Variants in TMEFF1 observed in about 807,000 individuals in gnomAD.
The protein encoded by TMEFF1 is transmembrane protein with EGF like and two follistatin like domains 1, also known as tomoregulin-1.
Under a neutral mutation model 47.5 loss-of-function variants are expected in TMEFF1, and 20 were observed. The observed-to-expected ratio is 0.42, with a 90% CI of 0.30 to 0.61. TMEFF1 has a LOEUF of 0.61. Ranked by LOEUF, TMEFF1 falls within the 20% of genes least tolerant of loss-of-function variation. TMEFF1 has a pLI of 0.19. For synonymous variants in TMEFF1, 162 were observed against 166.3 expected, an observed-to-expected ratio of 0.97 and a Z score of 0.20; for missense variants, 411 against 471.1, an observed-to-expected ratio of 0.87 and a Z score of 1.18.
At chr9:100,513,258 G>T (rs2118374627) in intron 3 of TMEFF1, 49 bp from the exon 4 acceptor site, 1 of 1,576,582 alleles carries the variant, frequency 6.3e-7, no homozygotes. Flanking sequence ...TTGATAAGAT[G>T]AAATTTCCGG....
At chr9:100,504,863 G>A (rs182016166) in intron 2 of TMEFF1, among the ~76,000 whole-genome samples, 2 of 152,264 alleles carry the variant, frequency 1.3e-5, no homozygotes, top group Admixed American at 6.5e-5. Flanking sequence ...AAGATTCTCA[G>A]CCCTATCAGA....
intron 3 of TMEFF1, among the ~76,000 whole-genome samples, chr9:100,510,730 C>T (rs1564013959): frequency 6.6e-6 from 1 of 152,114 alleles, no homozygotes; most frequent in Admixed American, 6.5e-5. Context: ...CTGCCTTGGC[C>T]TCTCAAAGTG....
intron 2 of TMEFF1, among the ~76,000 whole-genome samples, chr9:100,508,628 A>AT (rs1379345933): frequency 6.6e-6 from 1 of 151,544 alleles, no homozygotes; most frequent in Non-Finnish European, 1.5e-5. Flanking sequence ...TTGAATAATG[A>AT]TTTTTTTCTA....
At chr9:100,553,239 C>A (rs775949315) in intron 7 of TMEFF1, among the ~76,000 whole-genome samples, 4 of 152,162 alleles carry the variant, frequency 2.6e-5, no homozygotes, top group Non-Finnish European at 5.9e-5. Flanking sequence ...TAAAAATGTT[C>A]TCATAGGAAA....
intron 7 of TMEFF1, among the ~76,000 whole-genome samples, chr9:100,557,306 C>T (rs561807397): frequency 6.6e-6 from 1 of 152,060 alleles, no homozygotes; most frequent in East Asian, 1.9e-4. Context: ...CGCTTAACCA[C>T]CAGCTCTAGG....
At chr9:100,561,099 G>C (rs1839005355) in intron 7 of TMEFF1, among the ~76,000 whole-genome samples, 1 of 152,138 alleles carries the variant, frequency 6.6e-6, no homozygotes, top group Admixed American at 6.5e-5. Flanking sequence ...CTTTAGCAAA[G>C]GTGTTTAGTT....
At chr9:100,502,714 A>G (rs1157638143) in intron 2 of TMEFF1, among the ~76,000 whole-genome samples, 3 of 152,186 alleles carry the variant, frequency 2.0e-5, no homozygotes, top group Admixed American at 6.5e-5. Context: ...CTAAGATTAT[A>G]AAGAAATAGC....
At chr9:100,500,862 G>A (rs754731709) in intron 2 of TMEFF1, among the ~76,000 whole-genome samples, 2 of 152,144 alleles carry the variant, frequency 1.3e-5, no homozygotes, top group Admixed American at 6.6e-5. Flanking sequence ...TTTTGAAACC[G>A]TTGGCTGAAT....
intron 1 of TMEFF1, among the ~76,000 whole-genome samples, chr9:100,497,256 T>A (rs1020699779): frequency 2.0e-5 from 3 of 149,868 alleles, no homozygotes; most frequent in African/African-American, 7.4e-5. Flanking sequence ...GAATAGTTTG[T>A]GAAACAGTAA....
chr9:100,571,583 C>T lies in TMEFF1; in HGVS notation c.900-935C>T, dbSNP rs190039249. Among the ~76,000 whole-genome samples the T allele has an allele frequency of 2.9e-3, 436 of 152,156 alleles. 2 individuals are homozygous for T. The highest frequency in any genetic ancestry group is 1.0e-2 in the African/African-American group (414 of 41,480). ...AAATATCATGTTGTACATCAGTGGTCCCCAACCTTTTTGTTGCCAGGGACT... is the reference window on the plus strand; with the variant it reads ...AAATATCATGTTGTACATCAGTGGTTCCCAACCTTTTTGTTGCCAGGGACT... On this transcript the variant is annotated intron_variant, in intron 8 of 9. Transcript: ENST00000374879.
intron 3 of TMEFF1, 140 bp from the exon 4 acceptor site, chr9:100,513,167 A>G: frequency 6.9e-6 from 8 of 1,166,174 alleles, no homozygotes; most frequent in Non-Finnish European, 9.7e-6. Flanking sequence ...ATGTAAGAAT[A>G]AATAAGATAT....
chr9:100,537,654 A>G (rs931731177), intron 5 of TMEFF1, among the ~76,000 whole-genome samples: 6 of 152,242 alleles, frequency 3.9e-5, no homozygotes, highest in Admixed American at 2.0e-4. Context: ...GGCTTTCTAA[A>G]GTCCTTTTCA....
At chr9:100,548,044 A>C (rs866911146) in intron 6 of TMEFF1, 152 bp downstream of exon 6, 2 of 980,818 alleles carry the variant, frequency 2.0e-6, no homozygotes, top group Non-Finnish European at 1.3e-6. Flanking sequence ...TTTTATTACT[A>C]ATTTAGTTTT....
At chr9:100,475,229 C>G (rs570272348) in intron 1 of TMEFF1, among the ~76,000 whole-genome samples, 1 of 152,130 alleles carries the variant, frequency 6.6e-6, no homozygotes, top group Non-Finnish European at 1.5e-5. Flanking sequence ...CTAAATGAAG[C>G]AAGCCTTTGG....
chr9:100,545,258 C>T (rs1187163887), intron 5 of TMEFF1, among the ~76,000 whole-genome samples: 3 of 152,342 alleles, frequency 2.0e-5, no homozygotes, highest in South Asian at 2.1e-4. Flanking sequence ...CAAACTTCTG[C>T]CTGGGCATCC....
chr9:100,500,182 A>G (rs1490278443), intron 2 of TMEFF1, among the ~76,000 whole-genome samples: 1 of 151,982 alleles, frequency 6.6e-6, no homozygotes, highest in Non-Finnish European at 1.5e-5. Context: ...CTAATGTGTC[A>G]TTTTTCTCTG....
At chr9:100,518,327 G>C in intron 5 of TMEFF1, 1 of 451,524 alleles carries the variant, frequency 2.2e-6, no homozygotes, top group Non-Finnish European at 2.9e-6. Context: ...GTAATATGTA[G>C]CCTATTCCCA....
chr9:100,553,723 T>C (rs1040509531), intron 7 of TMEFF1, among the ~76,000 whole-genome samples: 1 of 152,210 alleles, frequency 6.6e-6, no homozygotes, highest in Non-Finnish European at 1.5e-5. Context: ...GTATCTATGA[T>C]ATGTAAACAG....
intron 1 of TMEFF1, among the ~76,000 whole-genome samples, chr9:100,481,803 G>A (rs1564261733): frequency 6.6e-6 from 1 of 151,972 alleles, no homozygotes; most frequent in Non-Finnish European, 1.5e-5. Flanking sequence ...TGTTTTTTGA[G>A]ACGGAGTCTA....
Sources: gnomAD v4.1 joint callset for allele counts (sites outside exome capture counted in the v4.1 genomes callset) on GRCh38, gnomAD v4.1.1 for gene constraint, MANE v1.5 for transcripts, NCBI Gene and HGNC (gene_info 2026-07-23, HGNC 2026-07-21) for gene names.